PARVA: variants seen among roughly 807,000 people sequenced by gnomAD.
PARVA encodes parvin alpha.
In PARVA, 25 loss-of-function variants were observed where a neutral mutation model predicts 52.6. That is an observed-to-expected ratio of 0.48 (90% CI 0.35 to 0.66). The LOEUF is 0.66. PARVA is among the 30% of genes least tolerant of loss of function. The pLI, the probability that PARVA is intolerant of heterozygous loss-of-function variation, is 0.01. For missense variants in PARVA, 373 were observed against 450.9 expected (o/e 0.83, Z 1.56); for synonymous variants, 185 against 179.1 (o/e 1.03, Z -0.26).
chr11:12,454,466 A>G (rs1170050339), intron 1 of PARVA, among the ~76,000 whole-genome samples: 2 of 151,992 alleles, frequency 1.3e-5, no homozygotes, highest in East Asian at 3.8e-4. Flanking sequence ...TCAGATGGAC[A>G]TTATTCTGAG....
intron 1 of PARVA, among the ~76,000 whole-genome samples, chr11:12,469,487 T>C (rs192774635): frequency 6.6e-6 from 1 of 152,250 alleles, no homozygotes; most frequent in East Asian, 1.9e-4. Context: ...GAAAATTCAG[T>C]TGTAGCTCTT....
chr11:12,377,818 G>C, intron 1 of PARVA, 35 bp downstream of exon 1: 1 of 1,455,920 alleles, frequency 6.9e-7, no homozygotes, highest in Non-Finnish European at 9.1e-7. Flanking sequence ...CGGGCGGTAG[G>C]AGCCGGGGGT....
chr11:12,377,512 G>T, upstream of PARVA: 1 of 1,420,636 alleles, frequency 7.0e-7, no homozygotes, highest in East Asian at 3.0e-5. Flanking sequence ...GGAAAGGCGA[G>T]CGTGAGCTGC....
chr11:12,458,165 T>A (rs1940722916), intron 1 of PARVA, among the ~76,000 whole-genome samples: 1 of 152,226 alleles, frequency 6.6e-6, no homozygotes, highest in Non-Finnish European at 1.5e-5. Context: ...CACGATTGTA[T>A]TAACATGACG....
intron 1 of PARVA, among the ~76,000 whole-genome samples, chr11:12,383,848 A>G (rs1939530051): frequency 6.6e-6 from 1 of 152,222 alleles, no homozygotes; most frequent in South Asian, 2.1e-4. Context: ...AAATTTGCAT[A>G]TAAGTGGACT....
At chr11:12,524,669 A>G (rs1420027180) in intron 12 of PARVA, among the ~76,000 whole-genome samples, 1 of 152,098 alleles carries the variant, frequency 6.6e-6, no homozygotes, top group African/African-American at 2.4e-5. Flanking sequence ...TTCAGTCCTT[A>G]ACCTCCTCGC....
chr11:12,416,642 A>G (rs1940070943), intron 1 of PARVA, among the ~76,000 whole-genome samples: 1 of 152,094 alleles, frequency 6.6e-6, no homozygotes, highest in South Asian at 2.1e-4. Flanking sequence ...AAGGAAGGAA[A>G]TCAGGGGAGA....
intron 1 of PARVA, among the ~76,000 whole-genome samples, chr11:12,411,715 G>A (rs1392960162): frequency 6.6e-6 from 1 of 152,134 alleles, no homozygotes; most frequent in Non-Finnish European, 1.5e-5. Flanking sequence ...GCAGATTATG[G>A]ATGACCACTC....
Position 12,530,396 on chromosome 11 carries a change from A to G in PARVA, c.*2471A>G, listed in dbSNP as rs1941758226. 1 of 152,228 alleles carries G rather than the reference A, an allele frequency of 6.6e-6. No individual in the cohort carries two copies. Among genetic ancestry groups the G allele is most frequent in the Non-Finnish European group, 1.5e-5 (1 of 68,042 alleles). 9.4% of individuals were successfully genotyped at this position (152,228 alleles called of 1,614,324 possible). The stretch of plus-strand genomic sequence containing the variant: ...TTAATCTTCATCTTTAAAAAAAAGA[A>G]AAAAGAAACCAAAATGAGAATCAAC... On this transcript the variant is annotated 3_prime_UTR_variant, in exon 13 of 13. Transcript: ENST00000334956.
chr11:12,377,803 C>A lies in PARVA; in HGVS notation c.136+20C>A. The A allele has an allele frequency of 1.4e-6, 2 of 1,473,640 alleles. No homozygotes were observed. The highest frequency in any genetic ancestry group is 1.8e-6 in the Non-Finnish European group (2 of 1,112,740). 91.3% of individuals were successfully genotyped at this position (1,473,640 alleles called of 1,614,324 possible). ...AGGAGGGTGAGTGCGGCCAGGCCGG[C>A]CGGGCGGGCGGTAGGAGCCGGGGGT... On this transcript the variant is annotated intron_variant, in intron 1 of 12. Transcript: ENST00000334956.
chr11:12,418,550 G>GCCTGCCACAGCCTC (rs1042877779), intron 1 of PARVA, among the ~76,000 whole-genome samples: 4 of 152,180 alleles, frequency 2.6e-5, no homozygotes, highest in Non-Finnish European at 5.9e-5. Flanking sequence ...TTCTCAGCGT[G>GCCTGCCACAGCCTC]CCTGCCACAG....
At chr11:12,497,662 G>C (rs1415300044) in intron 5 of PARVA, among the ~76,000 whole-genome samples, 1 of 152,126 alleles carries the variant, frequency 6.6e-6, no homozygotes, top group African/African-American at 2.4e-5. Flanking sequence ...TTCTTTGCCC[G>C]CAGAGGGAGA....
chr11:12,473,678 G>T, intron 1 of PARVA, 67 bp from the exon 2 acceptor site: 1 of 1,191,134 alleles, frequency 8.4e-7, no homozygotes, highest in Non-Finnish European at 1.2e-6. Flanking sequence ...GAACACCCTT[G>T]TTACAGAGCT....
At chr11:12,448,213 G>A (rs1940573926) in intron 1 of PARVA, among the ~76,000 whole-genome samples, 1 of 152,176 alleles carries the variant, frequency 6.6e-6, no homozygotes, top group Non-Finnish European at 1.5e-5. Context: ...AATGAGGAAG[G>A]CGGGGGGTCA....
intron 1 of PARVA, among the ~76,000 whole-genome samples, chr11:12,412,649 A>G (rs1940006841): frequency 6.6e-6 from 1 of 152,182 alleles, no homozygotes; most frequent in African/African-American, 2.4e-5. Context: ...TTCTTTAAAC[A>G]TGTGTGGGCC....
At chr11:12,512,765 G>A (rs1482546327) in intron 8 of PARVA, among the ~76,000 whole-genome samples, 1 of 152,158 alleles carries the variant, frequency 6.6e-6, no homozygotes, top group Non-Finnish European at 1.5e-5. Context: ...TTTTATAGAA[G>A]AGGAAACTAA....
chr11:12,530,844 C>G lies in PARVA; in HGVS notation c.*2919C>G, dbSNP rs1216603644. On this transcript the variant is annotated 3_prime_UTR_variant, in exon 13 of 13. Coordinates refer to ENST00000334956, the MANE Select transcript of PARVA (RefSeq NM_018222.5). ...TCCAAATGCGTATCTCCAGTCTGCT[C>G]GAGCTAGGAAAGGAAAAAAGCCCTA... 1 of 152,096 alleles carries G rather than the reference C, an allele frequency of 6.6e-6. No homozygotes were observed. Among genetic ancestry groups the G allele is most frequent in the East Asian group, 1.9e-4 (1 of 5,196 alleles). The allele number at this position is 152,096 out of a possible 1,614,324, so 9.4% of individuals were successfully genotyped here.
intron 1 of PARVA, among the ~76,000 whole-genome samples, chr11:12,444,775 A>AT (rs1291807489): frequency 6.6e-6 from 1 of 152,198 alleles, no homozygotes; most frequent in African/African-American, 2.4e-5. Flanking sequence ...TACATAGATG[A>AT]ACCCAGAGGC....
At chr11:12,468,128 C>A (rs986600248) in intron 1 of PARVA, among the ~76,000 whole-genome samples, 1 of 152,230 alleles carries the variant, frequency 6.6e-6, no homozygotes, top group Non-Finnish European at 1.5e-5. Flanking sequence ...CCAAAGTTAG[C>A]CTTGTTCTAC....
Sources: gnomAD v4.1 joint callset for allele counts (sites outside exome capture counted in the v4.1 genomes callset) on GRCh38, gnomAD v4.1.1 for gene constraint, MANE v1.5 for transcripts, NCBI Gene and HGNC (gene_info 2026-07-23, HGNC 2026-07-21) for gene names.